PTPRG: variants seen among roughly 807,000 people sequenced by gnomAD.
PTPRG encodes the protein receptor-type tyrosine-protein phosphatase gamma.
PTPRG carries 102 observed loss-of-function variants against 165.3 expected under a neutral mutation model. The ratio of observed to expected loss-of-function variants is 0.62; its 90% confidence interval spans 0.53 to 0.73. PTPRG has a LOEUF of 0.73. PTPRG is among the 30% of genes least tolerant of loss of function. The pLI is 0.00. For synonymous variants in PTPRG, 675 were observed against 669.5 expected (o/e 1.01, Z -0.13); for missense variants, 1,866 against 1,861.4 (o/e 1.00, Z -0.05).
chr3:61,909,720 G>A (rs892112146), intron 2 of PTPRG, among the ~76,000 whole-genome samples: 1 of 150,964 alleles, frequency 6.6e-6, no homozygotes. Flanking sequence ...GGACTATACA[G>A]TTTAAACCTC....
Position 62,203,388 on chromosome 3 carries a change from C to T in PTPRG, c.1593C>T (p.Ser531=). 1 of 1,613,580 alleles carries T rather than the reference C, an allele frequency of 6.2e-7. No homozygotes were observed. The highest frequency in any genetic ancestry group is 1.1e-5 in the South Asian group (1 of 91,036). ...FGGGGISSFP[S]TVWPTRLPTA... The stretch of plus-strand genomic sequence containing the variant: ...GTGGTGGCATCTCCTCTTTCCCCAG[C>T]ACTGTGTGGCCCACGCGCCTCCCGA... Residue 531 remains serine, a synonymous_variant, in exon 12 of 30, where the codon AGC becomes AGT. Coordinates refer to ENST00000474889, the MANE Select transcript of PTPRG (RefSeq NM_002841.4). This position sits in a 1 kb window ranked among gnomAD's most constrained non-coding sequence, Gnocchi z 6.4.
chr3:62,227,407 C>T (rs1700787534), intron 13 of PTPRG, among the ~76,000 whole-genome samples: 1 of 152,150 alleles, frequency 6.6e-6, no homozygotes. Flanking sequence ...GGGGAAACAC[C>T]CCTGTTAACC....
chr3:61,863,313 T>A (rs2037323031), intron 2 of PTPRG, among the ~76,000 whole-genome samples: 1 of 152,220 alleles, frequency 6.6e-6, no homozygotes, highest in Non-Finnish European at 1.5e-5. Flanking sequence ...CTTGGAGATG[T>A]TCATGAGAGC....
At chr3:61,844,906 A>G (rs1417103384) in intron 2 of PTPRG, among the ~76,000 whole-genome samples, 1 of 152,196 alleles carries the variant, frequency 6.6e-6, no homozygotes, top group South Asian at 2.1e-4. Context: ...AGGGATACCT[A>G]CATCAAATAA....
At chr3:61,672,000 A>ACTTCTCG (rs1331288657) in intron 1 of PTPRG, among the ~76,000 whole-genome samples, 25 of 37,988 alleles carry the variant, frequency 6.6e-4, no homozygotes, top group East Asian at 2.4e-3. Flanking sequence ...CTCACTTCTC[A>ACTTCTCG]GACGGGGCGG....
chr3:61,633,897 G>GT (rs34304607), intron 1 of PTPRG, among the ~76,000 whole-genome samples: 291 of 144,038 alleles, frequency 2.0e-3, no homozygotes, highest in Middle Eastern at 3.5e-3. Context: ...TTGTCGAGTG[G>GT]TTTTTTTTTT....
intron 2 of PTPRG, among the ~76,000 whole-genome samples, chr3:61,828,174 T>A (rs2036168030): frequency 6.6e-6 from 1 of 152,024 alleles, no homozygotes; most frequent in African/African-American, 2.4e-5. Context: ...TTACATAGTT[T>A]ATTTATTCTA....
chr3:61,600,541 T>C (rs1206101015), intron 1 of PTPRG, among the ~76,000 whole-genome samples: 2 of 152,016 alleles, frequency 1.3e-5, no homozygotes, highest in Non-Finnish European at 2.9e-5. Context: ...TTCTTTTGTT[T>C]TTTGTTTTTG....
chr3:61,950,325 C>A (rs2039869392), intron 2 of PTPRG, among the ~76,000 whole-genome samples: 1 of 152,122 alleles, frequency 6.6e-6, no homozygotes, highest in Non-Finnish European at 1.5e-5. Context: ...GACACCTATG[C>A]CTCCAAATTG....
chr3:62,065,950 G>T (rs1014834236), intron 4 of PTPRG, among the ~76,000 whole-genome samples: 1 of 152,182 alleles, frequency 6.6e-6, no homozygotes, highest in African/African-American at 2.4e-5. Context: ...AGTTGTTTTG[G>T]ATGTGTGTTC....
chr3:61,680,793 C>T lies in PTPRG; in HGVS notation c.86-68085C>T, dbSNP rs1383286188. On this transcript the variant is annotated intron_variant, in intron 1 of 29. Coordinates refer to ENST00000474889, the MANE Select transcript of PTPRG (RefSeq NM_002841.4). ...TGGGGATGACTAGGGTCACAGCAGG[C>T]AATAACTAGGGTTATTGGCACCCGG... 9.7e-5 allele frequency among the ~76,000 whole-genome samples: 7 copies of T among 72,306 alleles called. 1 individual carries two copies. The highest frequency in any genetic ancestry group is 9.2e-4 in the South Asian group (2 of 2,164). The allele number at this position is 72,306 out of a possible 152,430, so 47.4% of individuals were successfully genotyped here. A position where few individuals can be genotyped will look rare whatever the true frequency, so the allele number is the denominator to read the frequency against.
At chr3:61,708,862 G>A (rs1193548461) in intron 1 of PTPRG, among the ~76,000 whole-genome samples, 1 of 152,204 alleles carries the variant, frequency 6.6e-6, no homozygotes, top group Non-Finnish European at 1.5e-5. Flanking sequence ...TCATGTGACT[G>A]TGAAGGTGGT....
Position 62,293,324 on chromosome 3 carries a change from G to T in PTPRG, c.*17G>T. 1 of 1,531,186 alleles carries T rather than the reference G, an allele frequency of 6.5e-7. No individual in the cohort carries two copies. Among genetic ancestry groups the T allele is most frequent in the Non-Finnish European group, 8.7e-7 (1 of 1,144,442 alleles). The allele number at this position is 1,531,186 out of a possible 1,614,324, so 94.8% of individuals were successfully genotyped here. On this transcript the variant is annotated 3_prime_UTR_variant, in exon 30 of 30. Transcript: ENST00000474889. ...CTAGTGTGACTGGAATCCTGAAAGG[G>T]CACTTAATTTGTAAACTTCTGAAGA... is the stretch of plus-strand genomic sequence containing the variant.
intron 2 of PTPRG, among the ~76,000 whole-genome samples, chr3:61,971,671 A>G (rs937270731): frequency 2.0e-5 from 3 of 152,242 alleles, no homozygotes; most frequent in East Asian, 1.9e-4. Context: ...GTATACTTCC[A>G]GTTAAAAATC....
At chr3:61,919,700 A>C (rs1467205202) in intron 2 of PTPRG, among the ~76,000 whole-genome samples, 1 of 151,974 alleles carries the variant, frequency 6.6e-6, no homozygotes, top group African/African-American at 2.4e-5. Context: ...CCTCCTCTAA[A>C]GGAAGATTTT....
intron 1 of PTPRG, among the ~76,000 whole-genome samples, chr3:61,632,923 C>G (rs1223592425): frequency 1.3e-5 from 2 of 152,196 alleles, no homozygotes; most frequent in Non-Finnish European, 2.9e-5. Context: ...GACTAGCCTT[C>G]TTGCTTACCT....
chr3:62,169,423 G>A (rs953036425), intron 8 of PTPRG, among the ~76,000 whole-genome samples: 2 of 151,872 alleles, frequency 1.3e-5, no homozygotes, highest in Non-Finnish European at 2.9e-5. Context: ...GTTTAACCCC[G>A]GTATCTGATA....
chr3:61,995,304 G>A (rs2041003750), intron 3 of PTPRG, among the ~76,000 whole-genome samples: 1 of 151,836 alleles, frequency 6.6e-6, no homozygotes. Context: ...GGCCAGGCTG[G>A]TCTCAAACTC....
rs567442031 is a variant in PTPRG at position 62,297,016 on chromosome 3, A to T, written c.*3709A>T. The T allele has an allele frequency of 1.3e-5, 2 of 152,094 alleles. No individual in the cohort carries two copies. The highest frequency in any genetic ancestry group is 2.9e-5 in the Non-Finnish European group (2 of 67,970). The allele number at this position is 152,094 out of a possible 1,614,324, so 9.4% of individuals were successfully genotyped here. ...TTTTGTTAGGACATTTGAAACTAGCAAGCAGCCATTGTTTCTAAAGAATTC... is the reference window on the plus strand; with the variant it reads ...TTTTGTTAGGACATTTGAAACTAGCTAGCAGCCATTGTTTCTAAAGAATTC... On this transcript the variant is annotated 3_prime_UTR_variant, in exon 30 of 30. Transcript: ENST00000474889.
Sources: allele counts gnomAD v4.1 joint callset (sites outside exome capture counted in the v4.1 genomes callset), GRCh38; gene constraint gnomAD v4.1.1; non-coding constraint Gnocchi (gnomAD v3.1); transcripts MANE v1.5; gene names NCBI Gene and HGNC (gene_info 2026-07-23, HGNC 2026-07-21).